Variants in SPG7 observed in about 807,000 individuals in gnomAD.
The protein encoded by SPG7 is mitochondrial inner membrane m-AAA protease component paraplegin.
SPG7 carries 103 observed loss-of-function variants against 81.9 expected under a neutral mutation model. That is an observed-to-expected ratio of 1.26 (90% CI 1.07 to 1.48). SPG7 has a LOEUF of 1.48. Among genes scored for constraint, SPG7 ranks in the 40% most tolerant of loss-of-function variants. SPG7 has a pLI of 0.00. For synonymous variants in SPG7, 534 were observed against 444.2 expected (o/e 1.20, Z -2.54); for missense variants, 1,241 against 1,087.3 (o/e 1.14, Z -1.99).
chr16:89,547,038 A>G, intron 11 of SPG7: 1 of 426,654 alleles, frequency 2.3e-6, no homozygotes. Context: ...GCTTCCACAC[A>G]GTGACCAGTC....
At chr16:89,514,787 C>T (rs375935845) in intron 3 of SPG7, among the ~76,000 whole-genome samples, 161 of 152,182 alleles carry the variant, frequency 1.1e-3, no homozygotes, top group South Asian at 3.5e-3. Flanking sequence ...CGTGAGCCAC[C>T]GCGTCAGGCC....
rs927890017 is a variant in SPG7 at position 89,557,549 on chromosome 16, C to T, written c.*456C>T. On this transcript the variant is annotated 3_prime_UTR_variant, in exon 17 of 17. Transcript: ENST00000645818. Reference sequence around the variant, plus strand: ...TGTGAGCCGATTGTCCTATCTCCAGCGGCCCTGTCATCCAGCTCACTCATC... The same window carrying T: ...TGTGAGCCGATTGTCCTATCTCCAGTGGCCCTGTCATCCAGCTCACTCATC... The T allele has an allele frequency of 3.0e-5, 6 of 203,112 alleles. No individual in the cohort carries two copies. Among genetic ancestry groups the T allele is most frequent in the South Asian group, 1.6e-4 (2 of 12,834 alleles). 12.6% of individuals were successfully genotyped at this position (203,112 alleles called of 1,614,324 possible). A position where few individuals can be genotyped will look rare whatever the true frequency, so the allele number is the denominator to read the frequency against.
chr16:89,532,563 C>G lies in SPG7; in HGVS notation c.1251C>G (p.Arg417=). ...IDEIDAVGKK[R]STTMSGFSNT... is the part of the protein sequence containing the mutation. ...AGATCGACGCGGTGGGCAAGAAGCG[C>G]TCCACCACCATGTCCGGCTTCTCCA... Residue 417 remains arginine, a synonymous_variant, in exon 9 of 17, where the codon CGC becomes CGG. Transcript: ENST00000645818. 6.2e-7 allele frequency: 1 copy of G among 1,613,804 alleles called. No individual in the cohort carries two copies. Among genetic ancestry groups the G allele is most frequent in the African/African-American group, 1.3e-5 (1 of 75,058 alleles).
At chr16:89,546,917 TG>T in intron 11 of SPG7, 157 bp downstream of exon 11, 2 of 667,130 alleles carry the variant, frequency 3.0e-6, no homozygotes, top group Non-Finnish European at 5.5e-6. Flanking sequence ...GATGTGTATG[TG>T]GGGCAGCAGG....
intron 16 of SPG7, chr16:89,555,909 T>A: frequency 2.5e-6 from 1 of 398,816 alleles, no homozygotes; most frequent in Non-Finnish European, 4.4e-6. Flanking sequence ...GGATCGTGTT[T>A]GGGGCCCTTA....
intron 11 of SPG7, chr16:89,547,582 T>G: frequency 1.9e-5 from 5 of 260,140 alleles, no homozygotes; most frequent in South Asian, 8.1e-5. Flanking sequence ...TGGTTCTTGG[T>G]CTCTTTTCCC....
At chr16:89,516,027 TC>T (rs2058092076) in intron 3 of SPG7, among the ~76,000 whole-genome samples, 1 of 146,604 alleles carries the variant, frequency 6.8e-6, no homozygotes, top group African/African-American at 2.6e-5. Flanking sequence ...CACTCTTGTT[TC>T]CCAGGCTAGA....
rs2058487125 is a variant in SPG7 at position 89,540,949 on chromosome 16, TAC to T, written c.1325-3698_1325-3697del. 5 of 985,386 alleles carry T rather than the reference TAC, an allele frequency of 5.1e-6. No individual in the cohort carries two copies. In the African/African-American group the frequency reaches 8.7e-5, roughly 17 times the overall value. The allele number at this position is 985,386 out of a possible 1,614,324, so 61.0% of individuals were successfully genotyped here. ...CTGGTGTATCCTTATCACAGTGTTCTACGCAGAAATAGAAGAGCTGAAACTGG... is the reference window on the plus strand; with the variant it reads ...CTGGTGTATCCTTATCACAGTGTTCTGCAGAAATAGAAGAGCTGAAACTGG... On this transcript the variant is annotated intron_variant, in intron 9 of 16. Transcript: ENST00000645818.
At position 89,512,979 on chromosome 16, in the gene SPG7, G is replaced by A. The variant is rs115601365; in HGVS notation, c.318G>A (p.Leu106=). The change falls in exon 3 of 17, where the codon TTG becomes TTA. Residue 106 remains leucine, a synonymous_variant. Coordinates refer to ENST00000645818, the MANE Select transcript of SPG7 (RefSeq NM_003119.4). ...CTTTCTATTTTAACACCTCAAGGTT[G>A]AAGCAGAAGAATAAGGAGAAGGATA... ...GGTFYFNTSR[L]KQKNKEKDKS... is the part of the protein sequence containing the mutation. 4.8e-5 allele frequency: 78 copies of A among 1,613,384 alleles called. No homozygotes were observed. In the African/African-American group the frequency reaches 9.6e-4, roughly 20 times the overall value.
intron 9 of SPG7, chr16:89,537,445 G>A (rs762848664): frequency 4.9e-6 from 5 of 1,017,622 alleles, no homozygotes; most frequent in South Asian, 4.0e-5. Context: ...TCCCTTCAAC[G>A]TAGTCATCCC....
rs1017050767 is a variant in SPG7, at chr16:89,537,605, C to G, written c.1324+4969C>G. Reference sequence around the variant, plus strand: ...GGAGTGCAGTGCCACCATCATAGCTCACTGCAGCCTCCACCTCCTAGGCTC... The same window carrying G: ...GGAGTGCAGTGCCACCATCATAGCTGACTGCAGCCTCCACCTCCTAGGCTC... On this transcript the variant is annotated intron_variant, in intron 9 of 16. Transcript: ENST00000645818. The G allele has an allele frequency of 1.1e-5, 10 of 939,822 alleles. No individual in the cohort carries two copies. The East Asian group carries it at 1.2e-3, about 110-fold the overall frequency. The allele number at this position is 939,822 out of a possible 1,614,324, so 58.2% of individuals were successfully genotyped here. A position where few individuals can be genotyped will look rare whatever the true frequency, so the allele number is the denominator to read the frequency against.
intron 7 of SPG7, 81 bp from the exon 8 acceptor site, chr16:89,531,823 G>T: frequency 1.4e-6 from 2 of 1,455,968 alleles, no homozygotes; most frequent in Admixed American, 3.4e-5. Context: ...CAGCCTGCGT[G>T]ACCCAGAGAG....
intron 5 of SPG7, among the ~76,000 whole-genome samples, chr16:89,528,194 T>C (rs984537125): frequency 1.3e-5 from 2 of 151,586 alleles, no homozygotes; most frequent in African/African-American, 4.8e-5. Flanking sequence ...GTCGAGACCA[T>C]CCTGGCTAAC....
chr16:89,513,763 T>G (rs112332119), intron 3 of SPG7, among the ~76,000 whole-genome samples: 1 of 76 alleles, frequency 0.013, no homozygotes, highest in African/African-American at 0.029. Context: ...TCAGCGTTGT[T>G]AAGATGGACG....
chr16:89,536,492 G>A (rs1209295268), intron 9 of SPG7, among the ~76,000 whole-genome samples: 1 of 55,856 alleles, frequency 1.8e-5, no homozygotes, highest in Non-Finnish European at 4.1e-5. Flanking sequence ...GAGGTCAGGT[G>A]AGGCAGGTGA....
intron 2 of SPG7, 132 bp from the exon 3 acceptor site, chr16:89,512,816 T>C: frequency 1.2e-6 from 1 of 842,394 alleles, no homozygotes; most frequent in Non-Finnish European, 2.0e-6. Context: ...TATTTATAAA[T>C]CTTATGGATA....
chr16:89,508,983 C>T (rs1296437229), intron 1 of SPG7: 3 of 482,996 alleles, frequency 6.2e-6, no homozygotes, highest in Admixed American at 4.6e-5. Flanking sequence ...CCAGCGCCTT[C>T]CAGTTAGGGT....
intron 3 of SPG7, chr16:89,521,369 C>G (rs2058185684): frequency 6.6e-6 from 1 of 152,254 alleles, no homozygotes; most frequent in African/African-American, 2.4e-5. Context: ...CTGGCTGACC[C>G]TCACTGGAGA....
intron 9 of SPG7, chr16:89,543,261 CAT>C (rs1429945089): frequency 7.2e-6 from 1 of 139,580 alleles, no homozygotes; most frequent in Non-Finnish European, 1.6e-5. Flanking sequence ...CCTGTTCTTA[CAT>C]TAGTCACGGG....
Sources: gnomAD v4.1 joint callset for allele counts (sites outside exome capture counted in the v4.1 genomes callset) on GRCh38, gnomAD v4.1.1 for gene constraint, MANE v1.5 for transcripts, NCBI Gene and HGNC (gene_info 2026-07-23, HGNC 2026-07-21) for gene names.